KIAA1549L: variants seen among roughly 807,000 people sequenced by gnomAD.
KIAA1549L encodes UPF0606 protein KIAA1549L.
A neutral mutation model predicts 160.7 loss-of-function variants in KIAA1549L; 88 were observed. That is an observed-to-expected ratio of 0.55 (90% confidence interval 0.46 to 0.65). The LOEUF (loss-of-function observed/expected upper bound fraction) is 0.65. Among genes scored for constraint, KIAA1549L ranks in the 30% least tolerant of loss-of-function variants. KIAA1549L has a pLI of 0.00. For synonymous variants in KIAA1549L, 950 were observed against 976.7 expected (o/e 0.97, Z 0.51); for missense variants, 2,258 against 2,437.5 (o/e 0.93, Z 1.55).
chr11:33,598,036 G>C (rs1850249104), intron 12 of KIAA1549L, among the ~76,000 whole-genome samples: 2 of 152,162 alleles, frequency 1.3e-5, no homozygotes, highest in African/African-American at 2.4e-5. Context: ...GGAGCTCTTG[G>C]GGGGCATGGG....
intron 1 of KIAA1549L, among the ~76,000 whole-genome samples, chr11:33,436,795 A>T (rs1851389996): frequency 6.6e-6 from 1 of 152,206 alleles, no homozygotes; most frequent in African/African-American, 2.4e-5. Flanking sequence ...CTTTCAGATG[A>T]GAAAACTGAG....
At chr11:33,527,872 A>G (rs1453920372) in intron 1 of KIAA1549L, among the ~76,000 whole-genome samples, 1 of 152,234 alleles carries the variant, frequency 6.6e-6, no homozygotes, top group Non-Finnish European at 1.5e-5. Flanking sequence ...CCCAAGTCTC[A>G]TCTTGAATTG....
intron 1 of KIAA1549L, among the ~76,000 whole-genome samples, chr11:33,521,225 T>A (rs1853485264): frequency 6.6e-6 from 1 of 152,176 alleles, no homozygotes; most frequent in South Asian, 2.1e-4. Flanking sequence ...AAAAGAATAT[T>A]AAACACCTTG....
At chr11:33,516,050 T>A (rs1468799481) in intron 1 of KIAA1549L, among the ~76,000 whole-genome samples, 1 of 151,928 alleles carries the variant, frequency 6.6e-6, no homozygotes, top group Non-Finnish European at 1.5e-5. Context: ...TGCTAATTGA[T>A]CCCAGAACCC....
chr11:33,471,117 C>T (rs1852169483), intron 1 of KIAA1549L, among the ~76,000 whole-genome samples: 1 of 152,090 alleles, frequency 6.6e-6, no homozygotes, highest in Non-Finnish European at 1.5e-5. Context: ...CTGCACCTGG[C>T]TAAGTTTCTT....
rs764090821 is a variant in KIAA1549L at position 33,618,634 on chromosome 11, G to A, written c.5381G>A (p.Arg1794Gln). The A allele has an allele frequency of 2.6e-5, 41 of 1,600,784 alleles. No individual in the cohort carries two copies. Among genetic ancestry groups the A allele is most frequent in the Non-Finnish European group, 2.8e-5 (33 of 1,173,106 alleles). Residue 1794 changes from arginine (R) to glutamine (Q), a missense_variant, in exon 16 of 21, where the codon CGG becomes CAG. By Grantham distance (43) the Arg-to-Gln change is conservative. This residue lies in a region of KIAA1549L where 1,359 missense variants were observed against 1,546.6 expected (regional missense o/e 0.88). Coordinates refer to ENST00000658780, the MANE Select transcript of KIAA1549L (RefSeq NM_012194.3). ...MDLLVTRERP[R>Q]RGIRNSGYDT... ...CTTCTGGTGACTCGGGAGCGACCCC[G>A]GCGTGGAATCCGCAACAGCGGATAC...
intron 20 of KIAA1549L, among the ~76,000 whole-genome samples, chr11:33,664,749 C>T (rs1047262488): frequency 3.9e-5 from 6 of 152,192 alleles, no homozygotes; most frequent in African/African-American, 9.7e-5. Context: ...ACTTTGATCT[C>T]GGACTTTGCA....
rs559845203 is a variant in KIAA1549L, at chr11:33,628,096, T to G, written c.5409+9434T>G. Reference sequence around the variant, plus strand: ...CAGTTTCCATGTAGTTGAGTGGTTTTGAGTGAGATTCTTAATCCTGAGTTC... The same window carrying G: ...CAGTTTCCATGTAGTTGAGTGGTTTGGAGTGAGATTCTTAATCCTGAGTTC... On this transcript the variant is annotated intron_variant, in intron 16 of 20. Transcript: ENST00000658780. 2.6e-4 allele frequency among the ~76,000 whole-genome samples: 39 copies of G among 152,194 alleles called. 1 individual carries two copies. In the East Asian group the frequency reaches 5.8e-3, roughly 23 times the overall value.
At chr11:33,455,452 T>TG (rs1288260772) in intron 1 of KIAA1549L, among the ~76,000 whole-genome samples, 1 of 152,196 alleles carries the variant, frequency 6.6e-6, no homozygotes, top group African/African-American at 2.4e-5. Flanking sequence ...ACAAGATTCC[T>TG]GGGGGCTGGT....
intron 8 of KIAA1549L, among the ~76,000 whole-genome samples, chr11:33,567,294 G>A (rs1855081708): frequency 6.6e-6 from 1 of 152,182 alleles, no homozygotes; most frequent in Non-Finnish European, 1.5e-5. Context: ...TTAAACCCTA[G>A]AGCTCATTGG....
chr11:33,429,464 A>G (rs1470421212), intron 1 of KIAA1549L, among the ~76,000 whole-genome samples: 1 of 152,152 alleles, frequency 6.6e-6, no homozygotes. Flanking sequence ...GCTCTTATCG[A>G]GGTCACCAGT....
In KIAA1549L at chr11:33,671,296, G is replaced by A. The variant is rs1419606284; in HGVS notation, c.*3142G>A. 1 of 152,256 alleles carries A rather than the reference G, an allele frequency of 6.6e-6. No homozygotes were observed. The highest frequency in any genetic ancestry group is 1.5e-5 in the Non-Finnish European group (1 of 68,070). 9.4% of individuals were successfully genotyped at this position (152,256 alleles called of 1,614,324 possible). ...GGCAGGCAGGGAGGCCCTTGACTTT[G>A]TGTCACTGTGAGGCAGCAGAGTCCA... On this transcript the variant is annotated 3_prime_UTR_variant, in exon 21 of 21. Transcript: ENST00000658780.
chr11:33,443,096 A>G (rs1851542130), intron 1 of KIAA1549L, among the ~76,000 whole-genome samples: 1 of 152,112 alleles, frequency 6.6e-6, no homozygotes, highest in African/African-American at 2.4e-5. Flanking sequence ...TATTAAACTT[A>G]TTTTATATTC....
chr11:33,419,461 T>A (rs1850955512), intron 1 of KIAA1549L, among the ~76,000 whole-genome samples: 1 of 152,256 alleles, frequency 6.6e-6, no homozygotes, highest in South Asian at 2.1e-4. Flanking sequence ...CGTCTTTTCC[T>A]TATAGTCAGA....
chr11:33,614,531 G>GAT (rs780446812), intron 15 of KIAA1549L, among the ~76,000 whole-genome samples: 6 of 27,098 alleles, frequency 2.2e-4, no homozygotes, highest in Non-Finnish European at 4.0e-4. Flanking sequence ...AGTGTAACAA[G>GAT]ATATATATAT....
chr11:33,653,819 A>C (rs574507024), intron 17 of KIAA1549L, among the ~76,000 whole-genome samples: 1 of 151,268 alleles, frequency 6.6e-6, no homozygotes, highest in Non-Finnish European at 1.5e-5. Flanking sequence ...CCCCAATTCC[A>C]TTTTCTAGTT....
chr11:33,645,615 T>C, intron 16 of KIAA1549L, 71 bp from the exon 17 acceptor site: 1 of 1,113,848 alleles, frequency 9.0e-7, no homozygotes, highest in Non-Finnish European at 1.3e-6. Flanking sequence ...GTGAATGTTT[T>C]AGAGTAAATT....
chr11:33,603,740 AG>A (rs1378413790), intron 13 of KIAA1549L, among the ~76,000 whole-genome samples: 1 of 151,562 alleles, frequency 6.6e-6, no homozygotes, highest in African/African-American at 2.4e-5. Context: ...CAGGAGGCGG[AG>A]GTTGCAGTGA....
chr11:33,522,930 A>G (rs1176144761), intron 1 of KIAA1549L, among the ~76,000 whole-genome samples: 1 of 152,016 alleles, frequency 6.6e-6, no homozygotes, highest in Non-Finnish European at 1.5e-5. Context: ...CTTTACATAC[A>G]TTTGTTATAG....
Sources: gnomAD v4.1 joint callset for allele counts (sites outside exome capture counted in the v4.1 genomes callset) on GRCh38, gnomAD v4.1.1 for gene constraint, gnomAD v4.1.1 regional missense constraint, MANE v1.5 for transcripts, NCBI Gene and HGNC (gene_info 2026-07-23, HGNC 2026-07-21) for gene names.